FBXO36: variants seen among roughly 807,000 people sequenced by gnomAD.
FBXO36 encodes the protein F-box protein 36.
A neutral mutation model predicts 17.0 loss-of-function variants in FBXO36; 18 were observed. The ratio of observed to expected loss-of-function variants is 1.06; its 90% CI spans 0.73 to 1.57. FBXO36 has a LOEUF of 1.57. FBXO36 is among the 40% of genes most tolerant of loss of function. FBXO36 has a pLI of 0.00. For synonymous variants in FBXO36, 83 were observed against 85.3 expected (o/e 0.97, Z 0.15); for missense variants, 229 against 221.9 (o/e 1.03, Z -0.20).
At chr2:230,008,089 C>A (rs2077396347) in intron 3 of FBXO36, among the ~76,000 whole-genome samples, 1 of 152,148 alleles carries the variant, frequency 6.6e-6, no homozygotes, top group Non-Finnish European at 1.5e-5. Context: ...TCAGGGGACT[C>A]TAGAAGGCTG....
Position 230,010,783 on chromosome 2 carries a change from A to G in FBXO36, c.466A>G (p.Thr156Ala). The G allele has an allele frequency of 1.2e-6, 2 of 1,614,006 alleles. No homozygotes were observed. Among genetic ancestry groups the G allele is most frequent in the Non-Finnish European group, 1.7e-6 (2 of 1,179,860 alleles). The change falls in exon 4 of 4, where the codon ACA becomes GCA. Residue 156 changes from threonine to alanine, a missense_variant. Thr to Ala is a moderately conservative substitution (Grantham distance 58). Coordinates refer to ENST00000283946, the MANE Select transcript of FBXO36 (RefSeq NM_174899.5). Reference sequence around the variant, plus strand: ...TGACGTGAGGGCCCTGGCGGAGGACACAGGCTGGAGACAGCTGTTCTTCAC... The same window carrying G: ...TGACGTGAGGGCCCTGGCGGAGGACGCAGGCTGGAGACAGCTGTTCTTCAC... ...TPDVRALAEDTGWRQLFFTNK... is the reference protein window; with the variant it reads ...TPDVRALAEDAGWRQLFFTNK...
intron 1 of FBXO36, among the ~76,000 whole-genome samples, chr2:229,927,591 C>T (rs911237426): frequency 1.3e-5 from 2 of 152,094 alleles, no homozygotes; most frequent in African/African-American, 4.8e-5. Context: ...CGGCCTCTTG[C>T]AGCCAATAAC....
At chr2:229,993,444 G>C (rs2077308537) in intron 2 of FBXO36, among the ~76,000 whole-genome samples, 2 of 152,096 alleles carry the variant, frequency 1.3e-5, no homozygotes, top group African/African-American at 4.8e-5. Flanking sequence ...TATCATTTCT[G>C]CAATATCCTC....
chr2:229,963,713 G>T (rs1022735667), intron 1 of FBXO36, among the ~76,000 whole-genome samples: 1 of 152,122 alleles, frequency 6.6e-6, no homozygotes, highest in African/African-American at 2.4e-5. Flanking sequence ...CAAAGTGCTG[G>T]AATTACAGGC....
At chr2:229,973,249 G>A (rs561783263) in intron 1 of FBXO36, 5 of 151,898 alleles carry the variant, frequency 3.3e-5, no homozygotes, top group East Asian at 1.9e-4. Flanking sequence ...CACCAATACA[G>A]GGTTTTATCA....
chr2:229,976,364 A>G lies in FBXO36; in HGVS notation c.205+15A>G. 1.3e-6 allele frequency: 2 copies of G among 1,527,524 alleles called. No homozygotes were observed. Among genetic ancestry groups the G allele is most frequent in the Non-Finnish European group, 1.8e-6 (2 of 1,101,620 alleles). The allele number at this position is 1,527,524 out of a possible 1,614,324, so 94.6% of individuals were successfully genotyped here. On this transcript the variant is annotated intron_variant, in intron 2 of 3. Transcript: ENST00000283946. ...ACATCTTCAAGGTAAGGAACGGAAC[A>G]TATTATATACCCCTGTTAAGTTCTC...
At chr2:229,937,804 G>T (rs1157549786) in intron 1 of FBXO36, 2 of 151,988 alleles carry the variant, frequency 1.3e-5, no homozygotes, top group African/African-American at 4.8e-5. Flanking sequence ...GAAGGGAAAG[G>T]GTGTCTCTTC....
chr2:229,971,375 GAACA>G (rs1325991492), intron 1 of FBXO36, among the ~76,000 whole-genome samples: 1 of 147,108 alleles, frequency 6.8e-6, no homozygotes, highest in African/African-American at 2.5e-5. Context: ...AAAAAAAAAA[GAACA>G]AACAAAAAAC....
Position 229,964,255 on chromosome 2 carries a change from G to T in FBXO36, c.97-11986G>T, listed in dbSNP as rs148584318. On this transcript the variant is annotated intron_variant, in intron 1 of 3. Transcript: ENST00000283946. Reference sequence around the variant, plus strand: ...CAGTAAAAATCACTCTTTTCAGGTGGCATGAATTTAAAAAAATGTATAACC... The same window carrying T: ...CAGTAAAAATCACTCTTTTCAGGTGTCATGAATTTAAAAAAATGTATAACC... Among the ~76,000 whole-genome samples, 395 of 152,094 alleles carry T rather than the reference G, an allele frequency of 2.6e-3. 3 individuals carry two copies. Among genetic ancestry groups the T allele is most frequent in the African/African-American group, 9.2e-3 (383 of 41,512 alleles).
intron 1 of FBXO36, among the ~76,000 whole-genome samples, chr2:229,944,334 A>T (rs779167843): frequency 3.9e-5 from 6 of 152,190 alleles, no homozygotes; most frequent in Non-Finnish European, 7.3e-5. Flanking sequence ...CAGCCTAGAC[A>T]AGTTTACATT....
intron 1 of FBXO36, among the ~76,000 whole-genome samples, chr2:229,965,533 C>A (rs2077147744): frequency 7.4e-6 from 1 of 135,578 alleles, no homozygotes; most frequent in Admixed American, 7.9e-5. Flanking sequence ...CCTCCCCCAA[C>A]CCCACAACAG....
At chr2:229,929,048 C>T (rs2076926130) in intron 1 of FBXO36, among the ~76,000 whole-genome samples, 1 of 150,594 alleles carries the variant, frequency 6.6e-6, no homozygotes, top group East Asian at 2.0e-4. Context: ...GATCTTGGCT[C>T]ACTGCCTCCC....
chr2:229,958,595 T>C (rs2077104112), intron 1 of FBXO36, among the ~76,000 whole-genome samples: 1 of 152,022 alleles, frequency 6.6e-6, no homozygotes, highest in Admixed American at 6.6e-5. Flanking sequence ...TTTGAAAGTT[T>C]TAGCACACTT....
intron 3 of FBXO36, among the ~76,000 whole-genome samples, chr2:230,009,952 AT>A (rs1361309879): frequency 1.4e-5 from 2 of 144,054 alleles, no homozygotes; most frequent in South Asian, 2.2e-4. Flanking sequence ...TCTAAAAAAA[AT>A]AAATAGATAG....
chr2:230,010,399 G>A (rs754787974), intron 3 of FBXO36, among the ~76,000 whole-genome samples: 5 of 152,246 alleles, frequency 3.3e-5, no homozygotes, highest in Non-Finnish European at 5.9e-5. Context: ...GGTGAAGGTG[G>A]AGAATAACAC....
At chr2:229,965,793 G>T (rs2077149443) in intron 1 of FBXO36, among the ~76,000 whole-genome samples, 1 of 152,098 alleles carries the variant, frequency 6.6e-6, no homozygotes, top group African/African-American at 2.4e-5. Flanking sequence ...ATTTGGGTTG[G>T]TTCCAAGTCT....
At chr2:229,958,407 A>T (rs1191539178) in intron 1 of FBXO36, among the ~76,000 whole-genome samples, 2 of 151,792 alleles carry the variant, frequency 1.3e-5, no homozygotes, top group Non-Finnish European at 1.5e-5. Flanking sequence ...AGTAGCTGGG[A>T]CTACAGGCGC....
At chr2:229,969,220 T>C (rs1425426541) in intron 1 of FBXO36, among the ~76,000 whole-genome samples, 1 of 151,830 alleles carries the variant, frequency 6.6e-6, no homozygotes, top group Non-Finnish European at 1.5e-5. Flanking sequence ...AAAGTTGTTT[T>C]TTTTTTCTTT....
At chr2:229,927,651 A>AT (rs759684768) in intron 1 of FBXO36, among the ~76,000 whole-genome samples, 3 of 152,134 alleles carry the variant, frequency 2.0e-5, no homozygotes, top group Admixed American at 6.5e-5. Context: ...ACTCCAGCAG[A>AT]TGAAAGAAGG....
Sources: gnomAD v4.1 joint callset for allele counts (sites outside exome capture counted in the v4.1 genomes callset) on GRCh38, gnomAD v4.1.1 for gene constraint, MANE v1.5 for transcripts, NCBI Gene and HGNC (gene_info 2026-07-23, HGNC 2026-07-21) for gene names.